The following KCNN1 variants were observed in gnomAD, a reference collection of about 807,000 sequenced individuals.
KCNN1 encodes the protein small conductance calcium-activated potassium channel protein 1.
KCNN1 carries 20 observed loss-of-function variants against 44.7 expected under a neutral mutation model. That is an observed-to-expected ratio of 0.45 (90% CI 0.32 to 0.65). The LOEUF is 0.65. Ranked by LOEUF, KCNN1 falls within the 30% of genes least tolerant of loss-of-function variation. KCNN1 has a pLI of 0.05. For missense variants in KCNN1, 632 were observed against 785.3 expected, an observed-to-expected ratio of 0.80 and a Z score of 2.33; for synonymous variants, 324 against 341.7, an observed-to-expected ratio of 0.95 and a Z score of 0.57.
chr19:17,966,403 T>C (rs1171877270), upstream of KCNN1, among the ~76,000 whole-genome samples: 1 of 152,198 alleles, frequency 6.6e-6, no homozygotes, highest in Non-Finnish European at 1.5e-5. Flanking sequence ...CCATTAACTT[T>C]GAATGAATGA....
In KCNN1 at chr19:17,967,170, C is replaced by A. The variant is rs187291345; in HGVS notation, c.-229C>A. The A allele has an allele frequency of 1.1e-6, 1 of 948,988 alleles. No homozygotes were observed. Among genetic ancestry groups the A allele is most frequent in the Non-Finnish European group, 1.3e-6 (1 of 798,952 alleles). 58.8% of individuals were successfully genotyped at this position (948,988 alleles called of 1,614,324 possible). On this transcript the variant is annotated 5_prime_UTR_variant, in exon 1 of 10. Transcript: ENST00000684775. ...GGGGGATGCGCCTGCCGCCGCCGCC[C>A]CCGGCCCCGCCGCCCCCGGGCCCCG...
At chr19:17,981,043 C>T (rs1182858221) in intron 3 of KCNN1, among the ~76,000 whole-genome samples, 1 of 151,668 alleles carries the variant, frequency 6.6e-6, no homozygotes, top group Non-Finnish European at 1.5e-5. Context: ...ATGGTGAAAC[C>T]CCGTATCTAC....
chr19:17,982,957 T>C (rs150956913), intron 4 of KCNN1, among the ~76,000 whole-genome samples: 31 of 151,866 alleles, frequency 2.0e-4, no homozygotes, highest in African/African-American at 7.5e-4. Flanking sequence ...GGAGAATCGC[T>C]TGAACCTGGG....
intron 2 of KCNN1, among the ~76,000 whole-genome samples, chr19:17,955,885 C>CAA (rs2031532726): frequency 6.6e-6 from 1 of 150,654 alleles, no homozygotes; most frequent in Non-Finnish European, 1.5e-5. Flanking sequence ...AGCTCCTGTG[C>CAA]TCCTTTCTCC....
upstream of KCNN1, among the ~76,000 whole-genome samples, chr19:17,965,209 G>C (rs1274947393): frequency 6.6e-6 from 1 of 151,778 alleles, no homozygotes; most frequent in Non-Finnish European, 1.5e-5. Flanking sequence ...GAGGTTTAGA[G>C]GTTGCAATGA....
chr19:17,998,769 C>A lies in KCNN1; in HGVS notation c.*363C>A. On this transcript the variant is annotated 3_prime_UTR_variant, in exon 10 of 10. Coordinates refer to ENST00000684775, the MANE Select transcript of KCNN1 (RefSeq NM_001386974.1). The surrounding 1 kb of genome is among the most constrained non-coding windows in gnomAD (Gnocchi z 5.4). ...ATGTCCCAGGAGGTAGACCTCCAGCCCTGGGTACCAAGATGAATGTGGGAA... is the reference window on the plus strand; with the variant it reads ...ATGTCCCAGGAGGTAGACCTCCAGCACTGGGTACCAAGATGAATGTGGGAA... 1 of 211,540 alleles carries A rather than the reference C, an allele frequency of 4.7e-6. No homozygotes were observed. Among genetic ancestry groups the A allele is most frequent in the Non-Finnish European group, 9.4e-6 (1 of 106,766 alleles). The allele number at this position is 211,540 out of a possible 1,614,324, so 13.1% of individuals were successfully genotyped here.
chr19:17,993,965 TA>T lies in KCNN1; in HGVS notation c.1377+407del, dbSNP rs973153236. 5.9e-5 allele frequency among the ~76,000 whole-genome samples: 9 copies of T among 151,930 alleles called. No individual in the cohort carries two copies. Among genetic ancestry groups the T allele is most frequent in the South Asian group, 2.1e-4 (1 of 4,820 alleles). On this transcript the variant is annotated intron_variant, in intron 9 of 9. Transcript: ENST00000684775. The surrounding 1 kb of genome is among the most constrained non-coding windows in gnomAD (Gnocchi z 4.5). Reference sequence around the variant, plus strand: ...TAAAAATTTAAAAAGAGTACACAATTAGGGGGCTAAATGGGTGAAGAGGTAT... The same window carrying T: ...TAAAAATTTAAAAAGAGTACACAATTGGGGGCTAAATGGGTGAAGAGGTAT...
upstream of KCNN1, among the ~76,000 whole-genome samples, chr19:17,963,840 C>T (rs2031738966): frequency 6.6e-6 from 1 of 152,108 alleles, no homozygotes; most frequent in Admixed American, 6.6e-5. Context: ...ATCTTCCTGC[C>T]TCAGCCGCCC....
At chr19:17,959,845 G>T (rs1219663325) in intron 2 of KCNN1, among the ~76,000 whole-genome samples, 1 of 152,114 alleles carries the variant, frequency 6.6e-6, no homozygotes, top group Non-Finnish European at 1.5e-5. Flanking sequence ...AGCACTTTGG[G>T]AGGCTGAGGT....
intron 6 of KCNN1, among the ~76,000 whole-genome samples, chr19:17,989,365 G>A (rs1380632037): frequency 6.6e-6 from 1 of 152,190 alleles, no homozygotes; most frequent in East Asian, 1.9e-4. Flanking sequence ...GAGTGAGGCA[G>A]AAGAATCACT....
chr19:17,973,304 G>A (rs954817092), intron 1 of KCNN1, among the ~76,000 whole-genome samples: 3 of 151,796 alleles, frequency 2.0e-5, no homozygotes, highest in Non-Finnish European at 2.9e-5. Context: ...TTTTTGAGAC[G>A]TAGTCTCACT....
chr19:17,989,857 C>T lies in KCNN1; in HGVS notation c.1298+14C>T, dbSNP rs746321960. 4.3e-6 allele frequency: 7 copies of T among 1,611,648 alleles called. No individual in the cohort carries two copies. In the South Asian group the frequency reaches 6.6e-5, roughly 15 times the overall value. ...AGCCATCCATCAGTAAGTCCAGCACCTTTCCAGCTCACGTTTCTGTGTCCA... is the reference window on the plus strand; with the variant it reads ...AGCCATCCATCAGTAAGTCCAGCACTTTTCCAGCTCACGTTTCTGTGTCCA... On this transcript the variant is annotated intron_variant, in intron 7 of 9. Transcript: ENST00000684775.
At chr19:17,997,926 A>C (rs1332630993) in intron 9 of KCNN1, among the ~76,000 whole-genome samples, 6 of 151,362 alleles carry the variant, frequency 4.0e-5, no homozygotes, top group African/African-American at 1.5e-4. Context: ...GAGAGAAAGA[A>C]AAGACCAGTC....
At chr19:17,997,353 C>T (rs1178072812) in intron 9 of KCNN1, among the ~76,000 whole-genome samples, 1 of 152,160 alleles carries the variant, frequency 6.6e-6, no homozygotes, top group Non-Finnish European at 1.5e-5. Context: ...CAGCCCCAAA[C>T]ATCCCCCAGG....
intron 5 of KCNN1, among the ~76,000 whole-genome samples, chr19:17,987,107 C>A (rs929874049): frequency 8.6e-5 from 13 of 150,448 alleles, no homozygotes; most frequent in Non-Finnish European, 1.9e-4. Context: ...CACGCTGGCC[C>A]TTTTTTTCTT....
chr19:17,964,481 C>T (rs924603211), upstream of KCNN1, among the ~76,000 whole-genome samples: 1 of 152,270 alleles, frequency 6.6e-6, no homozygotes, highest in African/African-American at 2.4e-5. The surrounding 1 kb of genome is among the most constrained non-coding windows in gnomAD (Gnocchi z 4.3). Flanking sequence ...CCATGCTTGA[C>T]GTTTGCAGAG....
At chr19:17,959,824 C>T (rs2031636290) in intron 2 of KCNN1, among the ~76,000 whole-genome samples, 1 of 152,060 alleles carries the variant, frequency 6.6e-6, no homozygotes, top group African/African-American at 2.4e-5. Flanking sequence ...GTGGCTCAGG[C>T]CTATAATCCT....
intron 9 of KCNN1, among the ~76,000 whole-genome samples, chr19:17,996,340 T>G (rs953683082): frequency 2.6e-5 from 4 of 152,044 alleles, no homozygotes; most frequent in African/African-American, 9.7e-5. Flanking sequence ...GTGTAGTGGC[T>G]CATCCCTGTA....
Position 17,985,319 on chromosome 19 carries a change from G to A in KCNN1, c.925G>A (p.Asp309Asn). 2 of 1,597,918 alleles carry A rather than the reference G, an allele frequency of 1.3e-6. No individual in the cohort carries two copies. The highest frequency in any genetic ancestry group is 8.5e-7 in the Non-Finnish European group (1 of 1,170,716). ...CCACTCTGGCTCCCCCAGGTACCAC[G>A]ACAAGCAGGAAGTGACCAGCAACTT... ...WTVRVCERYHDKQEVTSNFLG... is the reference protein window; with the variant it reads ...WTVRVCERYHNKQEVTSNFLG... The change falls in exon 5 of 10, where the codon GAC becomes AAC. Residue 309 changes from aspartate to asparagine, a missense_variant. Physicochemically the swap from Asp to Asn is conservative, Grantham distance 23. Around this residue, in one of 3 missense-constraint regions of KCNN1, gnomAD observed 160 missense variants for 308.3 expected, o/e 0.52. Coordinates refer to ENST00000684775, the MANE Select transcript of KCNN1 (RefSeq NM_001386974.1).
Sources: gnomAD v4.1 joint callset for allele counts (sites outside exome capture counted in the v4.1 genomes callset) on GRCh38, gnomAD v4.1.1 for gene constraint, gnomAD v4.1.1 regional missense constraint, Gnocchi (gnomAD v3.1) non-coding constraint, MANE v1.5 for transcripts, NCBI Gene and HGNC (gene_info 2026-07-23, HGNC 2026-07-21) for gene names.